The following NPFFR2 variants were observed in gnomAD, a reference collection of about 807,000 sequenced individuals.
The protein encoded by NPFFR2 is neuropeptide FF receptor 2.
In NPFFR2, 15 loss-of-function variants were observed where a neutral mutation model predicts 13.1. The observed-to-expected ratio is 1.15, with a 90% CI of 0.77 to 1.76. The LOEUF is 1.76. Among genes scored for constraint, NPFFR2 ranks in the 40% most tolerant of loss-of-function variants. NPFFR2 has a pLI of 0.00. For synonymous variants in NPFFR2, 190 were observed against 175.7 expected (o/e 1.08, Z -0.65); for missense variants, 572 against 503.5 (o/e 1.14, Z -1.30).
intron 1 of NPFFR2, among the ~76,000 whole-genome samples, chr4:72,088,269 G>C (rs554115160): frequency 6.6e-6 from 1 of 152,106 alleles, no homozygotes; most frequent in South Asian, 2.1e-4. Flanking sequence ...TGTGAACTAT[G>C]TTGCGTATTT....
Position 72,147,446 on chromosome 4 carries a change from C to T in NPFFR2, c.897C>T (p.Tyr299=), listed in dbSNP as rs538543232. 4.4e-5 allele frequency: 71 copies of T among 1,614,138 alleles called. No homozygotes were observed. The highest frequency in any genetic ancestry group is 3.2e-4 in the African/African-American group (24 of 75,028). The change falls in exon 4 of 4, where the codon TAC becomes TAT. Residue 299 remains tyrosine, a synonymous_variant. Coordinates refer to ENST00000308744, the MANE Select transcript of NPFFR2 (RefSeq NM_004885.3). ...GGACTCTAATGATGCTCTCAGACTA[C>T]GCTGACCTTTCTCCAAATGAACTGC... The part of the protein sequence containing the change: ...PLWTLMMLSD[Y]ADLSPNELQI...
At chr4:72,054,627 A>G (rs186637987) in intron 1 of NPFFR2, among the ~76,000 whole-genome samples, 94 of 152,080 alleles carry the variant, frequency 6.2e-4, no homozygotes, top group African/African-American at 2.3e-3. Context: ...AACTGACACA[A>G]TTAACTTTAT....
Position 72,060,312 on chromosome 4 carries a change from GTC to G in NPFFR2, c.-8+28114_-8+28115del, listed in dbSNP as rs1461260362. On this transcript the variant is annotated intron_variant, in intron 1 of 3. Coordinates refer to ENST00000308744, the MANE Select transcript of NPFFR2 (RefSeq NM_004885.3). The stretch of plus-strand genomic sequence containing the variant: ...ATCTTTGTCTGGCAGTTAAGTGTCT[GTC>G]TGTCCAGGATTCCATAATAGCTATT... 2.0e-5 allele frequency among the ~76,000 whole-genome samples: 3 copies of G among 152,146 alleles called. No homozygotes were observed. The East Asian group carries it at 5.8e-4, about 29-fold the overall frequency.
chr4:72,115,198 T>C (rs1260630124), intron 1 of NPFFR2, among the ~76,000 whole-genome samples: 2 of 152,172 alleles, frequency 1.3e-5, no homozygotes, highest in African/African-American at 4.8e-5. Context: ...TTTTTACTCA[T>C]GGATGTATTT....
At chr4:72,032,241 G>C in intron 1 of NPFFR2, 41 bp downstream of exon 1, 1 of 1,548,118 alleles carries the variant, frequency 6.5e-7, no homozygotes, top group Non-Finnish European at 8.7e-7. Flanking sequence ...CCCCGCTTGG[G>C]GGCGCGACCC....
At chr4:72,146,917 G>A in intron 3 of NPFFR2, 61 bp from the exon 4 acceptor site, 1 of 1,108,468 alleles carries the variant, frequency 9.0e-7, no homozygotes, top group Non-Finnish European at 1.3e-6. Context: ...AATAAATTTG[G>A]TGTATGACTT....
chr4:72,134,008 T>C (rs1722331084), intron 2 of NPFFR2, among the ~76,000 whole-genome samples: 2 of 152,202 alleles, frequency 1.3e-5, no homozygotes, highest in African/African-American at 4.8e-5. Flanking sequence ...CTCACACCTG[T>C]AATCCCAGCA....
Position 72,137,599 on chromosome 4 carries a change from T to G in NPFFR2, c.329-441T>G, listed in dbSNP as rs115881265. ...ACTAGAAAACCGACGTTCTGACTGT[T>G]TATTCATTTAAAGGGCATTATTGCA... On this transcript the variant is annotated intron_variant, in intron 2 of 3. Transcript: ENST00000308744. 6.0e-3 allele frequency among the ~76,000 whole-genome samples: 912 copies of G among 152,296 alleles called. 9 individuals are homozygous for G. The highest frequency in any genetic ancestry group is 0.017 in the Middle Eastern group (5 of 294).
intron 1 of NPFFR2, among the ~76,000 whole-genome samples, chr4:72,045,874 G>T (rs1243635671): frequency 1.1e-4 from 16 of 152,092 alleles, no homozygotes. Flanking sequence ...TGTGTGTATT[G>T]ATGGTGCGGA....
chr4:72,099,464 C>T (rs1272735393), intron 1 of NPFFR2, among the ~76,000 whole-genome samples: 1 of 152,078 alleles, frequency 6.6e-6, no homozygotes, highest in Non-Finnish European at 1.5e-5. Context: ...GCAGGCTGTA[C>T]AAGCATTGCA....
intron 1 of NPFFR2, among the ~76,000 whole-genome samples, chr4:72,040,334 CATAA>C (rs1719172210): frequency 6.6e-6 from 1 of 152,028 alleles, no homozygotes; most frequent in South Asian, 2.1e-4. Flanking sequence ...AAACACATGC[CATAA>C]ATAGTGAGCC....
chr4:72,103,244 T>G (rs1311206935), intron 1 of NPFFR2, among the ~76,000 whole-genome samples: 1 of 152,152 alleles, frequency 6.6e-6, no homozygotes, highest in Admixed American at 6.6e-5. Context: ...TGCTACAGTT[T>G]GAATGTCTCC....
chr4:72,132,128 TG>T (rs147510413), intron 2 of NPFFR2, among the ~76,000 whole-genome samples: 6,561 of 150,486 alleles, frequency 0.044, 394 homozygotes, highest in African/African-American at 0.14. Flanking sequence ...TAGTACCCAT[TG>T]GTTTTTTTTT....
chr4:72,050,368 T>G lies in NPFFR2; in HGVS notation c.-8+18168T>G, dbSNP rs535451622. Among the ~76,000 whole-genome samples, 12 of 152,126 alleles carry G rather than the reference T, an allele frequency of 7.9e-5. No homozygotes were observed. In the South Asian group the frequency reaches 2.3e-3, roughly 29 times the overall value. On this transcript the variant is annotated intron_variant, in intron 1 of 3. Transcript: ENST00000308744. ...TGCCAAGGGCATTCAAAAGTTAAAC[T>G]GAAAAACTAGTTCAGTCTGTGATGG...
chr4:72,124,902 A>G (rs1721992096), intron 1 of NPFFR2, among the ~76,000 whole-genome samples: 1 of 152,242 alleles, frequency 6.6e-6, no homozygotes, highest in South Asian at 2.1e-4. Flanking sequence ...CAATGGCAAT[A>G]AAAGCCAAAA....
chr4:72,114,998 A>G (rs1431372678), intron 1 of NPFFR2, among the ~76,000 whole-genome samples: 3 of 152,192 alleles, frequency 2.0e-5, no homozygotes, highest in Non-Finnish European at 4.4e-5. Context: ...TAATAGGGAT[A>G]AAGTTTATAA....
rs575385799 is a variant in NPFFR2, at chr4:72,104,227, T to G, written c.-7-24358T>G. On this transcript the variant is annotated intron_variant, in intron 1 of 3. Coordinates refer to ENST00000308744, the MANE Select transcript of NPFFR2 (RefSeq NM_004885.3). ...AGAAATAGAGAAGCTACCATGATAATAAAAGCTCTTTGGGTGCCCCATCAG... is the reference window on the plus strand; with the variant it reads ...AGAAATAGAGAAGCTACCATGATAAGAAAAGCTCTTTGGGTGCCCCATCAG... Among the ~76,000 whole-genome samples the G allele has an allele frequency of 1.2e-4, 19 of 152,186 alleles. No homozygotes were observed. The South Asian group carries it at 3.7e-3, about 30-fold the overall frequency.
chr4:72,132,131 T>G (rs1445165748), intron 2 of NPFFR2, among the ~76,000 whole-genome samples: 1 of 134,302 alleles, frequency 7.4e-6, no homozygotes, highest in Non-Finnish European at 1.5e-5. Context: ...TACCCATTGG[T>G]TTTTTTTTTT....
Position 72,138,077 on chromosome 4 carries a change from ATT to A in NPFFR2, c.367_368del (p.Leu123GlyfsTer20). 6.2e-7 allele frequency: 1 copy of A among 1,613,718 alleles called. No homozygotes were observed. Among genetic ancestry groups the A allele is most frequent in the Middle Eastern group, 1.7e-4 (1 of 6,056 alleles). On this transcript the variant is annotated frameshift_variant, in exon 3 of 4. Coordinates refer to ENST00000308744, the MANE Select transcript of NPFFR2 (RefSeq NM_004885.3). LOFTEE classifies it high-confidence loss of function. ...GAAACACGATGTGCAAGATCAGTGG[ATT>A]GGTCCAGGGAATATCTGTCGCAGCT... ...FGNTMCKISG[L>X]VQGISVAASV... is the part of the protein sequence containing the mutation.
Sources: gnomAD v4.1 joint callset for allele counts (sites outside exome capture counted in the v4.1 genomes callset) on GRCh38, gnomAD v4.1.1 for gene constraint, MANE v1.5 for transcripts, NCBI Gene and HGNC (gene_info 2026-07-23, HGNC 2026-07-21) for gene names.